SSPN: variants seen among roughly 807,000 people sequenced by gnomAD.
The protein encoded by SSPN is sarcospan.
SSPN carries 15 observed loss-of-function variants against 19.1 expected under a neutral mutation model. The ratio of observed to expected loss-of-function variants is 0.78; its 90% CI spans 0.52 to 1.21. The LOEUF is 1.21. SSPN is among the 50% of genes most tolerant of loss of function. The probability of loss-of-function intolerance (pLI) is 0.00; values close to 1 mark genes in which losing one functional copy is unlikely to be tolerated. For synonymous variants in SSPN, 147 were observed against 140.3 expected, an observed-to-expected ratio of 1.05 and a Z score of -0.34; for missense variants, 291 against 314.0, an observed-to-expected ratio of 0.93 and a Z score of 0.55.
chr12:26,191,493 GC>G (rs1237058862), upstream of SSPN, among the ~76,000 whole-genome samples: 3 of 152,094 alleles, frequency 2.0e-5, no homozygotes, highest in African/African-American at 7.2e-5. Context: ...AAAGTCATAA[GC>G]CCTTTGTTGA....
intron 1 of SSPN, among the ~76,000 whole-genome samples, chr12:26,160,972 G>A (rs1407047830): frequency 6.6e-6 from 1 of 152,044 alleles, no homozygotes; most frequent in East Asian, 1.9e-4. Flanking sequence ...GCTGGGCATG[G>A]TGGCATTCAT....
rs781688537 is a variant in SSPN, at chr12:26,124,560, T to C, written c.-31+2408T>C. 8 of 1,613,982 alleles carry C rather than the reference T, an allele frequency of 5.0e-6. No homozygotes were observed. In the South Asian group the frequency reaches 8.8e-5, roughly 18 times the overall value. ...TTCATGCTCCTTTTGGGTTTACACA[T>C]ATACAAAGAGGAATAGTCCAGTCTG... On this transcript the variant is annotated intron_variant, in intron 1 of 2. Coordinates refer to the SSPN transcript ENST00000538142.
chr12:26,189,043 A>T (rs899910070), intron 1 of SSPN, among the ~76,000 whole-genome samples: 1 of 152,110 alleles, frequency 6.6e-6, no homozygotes, highest in East Asian at 1.9e-4. Context: ...GTTTTTTTTA[A>T]TGTAACCTGA....
chr12:26,200,666 T>G (rs1005431478), intron 1 of SSPN, among the ~76,000 whole-genome samples: 4 of 152,160 alleles, frequency 2.6e-5, no homozygotes, highest in Non-Finnish European at 5.9e-5. Flanking sequence ...CTAAATGTGG[T>G]GTTAACTTTC....
At chr12:26,164,607 C>T (rs961211677) in intron 1 of SSPN, among the ~76,000 whole-genome samples, 5 of 152,146 alleles carry the variant, frequency 3.3e-5, no homozygotes, top group African/African-American at 1.2e-4. Flanking sequence ...GCTTATATTC[C>T]AGTGACATTT....
intron 1 of SSPN, among the ~76,000 whole-genome samples, chr12:26,138,976 C>T (rs1396491853): frequency 6.6e-6 from 1 of 152,232 alleles, no homozygotes; most frequent in East Asian, 1.9e-4. Context: ...TTCTGCATAT[C>T]ATACCATATA....
At chr12:26,143,893 G>A (rs1022019764) in intron 1 of SSPN, among the ~76,000 whole-genome samples, 12 of 152,070 alleles carry the variant, frequency 7.9e-5, no homozygotes, top group Non-Finnish European at 1.6e-4. Context: ...TGTGAACTGC[G>A]CATGTGAGGG....
intron 1 of SSPN, among the ~76,000 whole-genome samples, chr12:26,149,738 T>C (rs755432530): frequency 2.0e-4 from 31 of 152,272 alleles, no homozygotes; most frequent in Non-Finnish European, 3.8e-4. Flanking sequence ...CTGTAATTTT[T>C]GTTAGCCAAA....
intron 1 of SSPN, among the ~76,000 whole-genome samples, chr12:26,138,784 G>A (rs533559070): frequency 1.3e-4 from 19 of 151,108 alleles, no homozygotes; most frequent in African/African-American, 4.6e-4. Context: ...GAATCCGTGT[G>A]GGAAGAAAAA....
chr12:26,134,513 A>C (rs1385277469), intron 1 of SSPN, among the ~76,000 whole-genome samples: 1 of 152,242 alleles, frequency 6.6e-6, no homozygotes, highest in Non-Finnish European at 1.5e-5. Flanking sequence ...CTGTATCCCC[A>C]GTGTCTAGGA....
At chr12:26,162,250 T>A (rs548260514) in intron 1 of SSPN, among the ~76,000 whole-genome samples, 2 of 152,308 alleles carry the variant, frequency 1.3e-5, no homozygotes, top group East Asian at 1.9e-4. Flanking sequence ...TTGAGAAAAA[T>A]TATTACCAGA....
intron 1 of SSPN, among the ~76,000 whole-genome samples, chr12:26,161,685 GT>G (rs1424013987): frequency 6.6e-6 from 1 of 152,106 alleles, no homozygotes; most frequent in Non-Finnish European, 1.5e-5. Flanking sequence ...AATCTTTTTG[GT>G]ACCAGGGACC....
rs12815830 is a variant in SSPN, at chr12:26,187,236, G to A, written c.-30-37057G>A. 5.5e-3 allele frequency among the ~76,000 whole-genome samples: 840 copies of A among 152,340 alleles called. 5 individuals are homozygous for A. The highest frequency in any genetic ancestry group is 9.1e-3 in the Non-Finnish European group (618 of 68,028). On this transcript the variant is annotated intron_variant, in intron 1 of 2. Transcript: ENST00000538142. ...GGCCACGCCCCAGGGCCCCACTTACGGTCATGAAGTGGGCAGCAGTCCCAC... is the reference window on the plus strand; with the variant it reads ...GGCCACGCCCCAGGGCCCCACTTACAGTCATGAAGTGGGCAGCAGTCCCAC...
chr12:26,136,529 T>C (rs1565669108), intron 1 of SSPN, among the ~76,000 whole-genome samples: 1 of 152,328 alleles, frequency 6.6e-6, no homozygotes, highest in East Asian at 1.9e-4. Context: ...ACCCCCATCC[T>C]AGTAGGTGAG....
chr12:26,124,657 G>A, intron 1 of SSPN: 1 of 1,612,636 alleles, frequency 6.2e-7, no homozygotes, highest in Non-Finnish European at 8.5e-7. Flanking sequence ...ACCACTTTCT[G>A]GAGAAGAAAA....
intron 1 of SSPN, among the ~76,000 whole-genome samples, chr12:26,182,317 A>G (rs1379325510): frequency 1.3e-5 from 2 of 152,182 alleles, no homozygotes; most frequent in Non-Finnish European, 2.9e-5. Flanking sequence ...CTGACTCCAA[A>G]TTTCTGTCCT....
Position 26,232,808 on chromosome 12 carries a change from A to G in SSPN, c.*1732A>G, listed in dbSNP as rs1945247224. The G allele has an allele frequency of 4.1e-6, 3 of 734,666 alleles. No homozygotes were observed. In the African/African-American group the frequency reaches 5.7e-5, roughly 14 times the overall value. The allele number at this position is 734,666 out of a possible 1,614,324, so 45.5% of individuals were successfully genotyped here. On this transcript the variant is annotated 3_prime_UTR_variant, in exon 3 of 3. Transcript: ENST00000242729. ...AATGGCCTTCCTACACATTAGCTCC[A>G]GCTAAAAAGACACATTGGAGAGCTT...
chr12:26,209,805 T>A (rs1944966246), intron 1 of SSPN, among the ~76,000 whole-genome samples: 1 of 119,608 alleles, frequency 8.4e-6, no homozygotes. Flanking sequence ...CGTGTGTGTG[T>A]GTGTGTGTGT....
intron 1 of SSPN, among the ~76,000 whole-genome samples, chr12:26,136,192 C>T (rs577135286): frequency 5.3e-5 from 8 of 152,234 alleles, no homozygotes; most frequent in South Asian, 2.1e-4. Context: ...TATGGGATGA[C>T]GTGTGTAGGC....
Sources: gnomAD v4.1 joint callset for allele counts (sites outside exome capture counted in the v4.1 genomes callset) on GRCh38, gnomAD v4.1.1 for gene constraint, MANE v1.5 for transcripts, NCBI Gene and HGNC (gene_info 2026-07-23, HGNC 2026-07-21) for gene names.